Variants in PTBP3 observed in about 807,000 individuals in gnomAD.
PTBP3 encodes the protein polypyrimidine tract binding protein 3, also known as polypyrimidine tract-binding protein 3.
In PTBP3, 20 loss-of-function variants were observed where a neutral mutation model predicts 58.7. The observed-to-expected ratio is 0.34, with a 90% CI of 0.24 to 0.50. The LOEUF is 0.50. Among genes scored for constraint, PTBP3 ranks in the 20% least tolerant of loss-of-function variants. PTBP3 has a pLI of 0.98. For synonymous variants in PTBP3, 185 were observed against 219.8 expected (o/e 0.84, Z 1.40); for missense variants, 509 against 637.2 (o/e 0.80, Z 2.17).
At chr9:112,277,109 C>T (rs1408956528) in intron 2 of PTBP3, among the ~76,000 whole-genome samples, 3 of 152,120 alleles carry the variant, frequency 2.0e-5, no homozygotes, top group Admixed American at 2.0e-4. Flanking sequence ...TCGTATCCAT[C>T]CATATCTGTG....
At chr9:112,276,566 C>T (rs749353767) in intron 2 of PTBP3, among the ~76,000 whole-genome samples, 19 of 151,752 alleles carry the variant, frequency 1.3e-4, no homozygotes, top group Admixed American at 2.6e-4. Context: ...TAATCTTATT[C>T]CTTATTATAT....
intron 1 of PTBP3, among the ~76,000 whole-genome samples, chr9:112,312,446 G>A (rs1829520288): frequency 7.0e-6 from 1 of 143,780 alleles, no homozygotes; most frequent in Non-Finnish European, 1.5e-5. Context: ...GCTGTGATCT[G>A]TGTTCATACC....
At chr9:112,265,114 A>T (rs2132142513) in intron 4 of PTBP3, among the ~76,000 whole-genome samples, 1 of 152,346 alleles carries the variant, frequency 6.6e-6, no homozygotes, top group South Asian at 2.1e-4. Flanking sequence ...AGTTACCAAA[A>T]TAATTCCAAA....
chr9:112,341,870 A>G, the PTBP3 span, among the ~76,000 whole-genome samples: 1 of 152,186 alleles, frequency 6.6e-6, no homozygotes, highest in Non-Finnish European at 1.5e-5. Context: ...TTCCTTTAGA[A>G]TGACTAGGTC....
intron 1 of PTBP3, among the ~76,000 whole-genome samples, chr9:112,309,986 T>C (rs931013292): frequency 3.3e-5 from 5 of 152,162 alleles, no homozygotes; most frequent in Admixed American, 6.5e-5. Context: ...ACATTTGCTA[T>C]TGGTAACTCT....
rs1171999710 is a variant in PTBP3 at position 112,221,395 on chromosome 9, T to C, written c.*2456A>G. ...AAAGTTACATTCAACACCACTATGA[T>C]CCCCTTCCGTTATTAGCAACTTTGC... On this transcript the variant is annotated 3_prime_UTR_variant, in exon 14 of 14. Coordinates refer to ENST00000374257, the MANE Select transcript of PTBP3 (RefSeq NM_001163788.4). The C allele has an allele frequency of 3.0e-6, 3 of 985,816 alleles. No homozygotes were observed. The highest frequency in any genetic ancestry group is 1.1e-4 in the East Asian group (1 of 8,810). The allele number at this position is 985,816 out of a possible 1,614,324, so 61.1% of individuals were successfully genotyped here.
Position 112,322,134 on chromosome 9 carries a change from C to CAAAAAAA in PTBP3, c.-52+11329_-52+11335dup, listed in dbSNP as rs149553072. Among the ~76,000 whole-genome samples, 58 of 68,130 alleles carry CAAAAAAA rather than the reference C, an allele frequency of 8.5e-4. 1 individual carries two copies. The highest frequency in any genetic ancestry group is 2.1e-3 in the African/African-American group (32 of 15,546). The allele number at this position is 68,130 out of a possible 152,430, so 44.7% of individuals were successfully genotyped here. The stretch of plus-strand genomic sequence containing the variant: ...TAGGAGACAGAGCGAGACTCCATCT[C>CAAAAAAA]AAAAAAAAAAAAAAAAAAAAAAGAA... On this transcript the variant is annotated intron_variant, in intron 1 of 13. Coordinates refer to ENST00000374257, the MANE Select transcript of PTBP3 (RefSeq NM_001163788.4).
At chr9:112,232,308 GTAAA>G in intron 8 of PTBP3, 70 bp from the exon 9 acceptor site, 1 of 1,374,084 alleles carries the variant, frequency 7.3e-7, no homozygotes, top group Non-Finnish European at 9.8e-7. Context: ...TACAATTTAA[GTAAA>G]TAAAGAGGAA....
In PTBP3 at chr9:112,286,392, G is replaced by A. The variant is rs145256872; in HGVS notation, c.35-10379C>T. Among the ~76,000 whole-genome samples the A allele has an allele frequency of 6.7e-3, 1,002 of 150,308 alleles. 17 individuals carry two copies. The highest frequency in any genetic ancestry group is 0.018 in the Admixed American group (273 of 15,144). ...TTATTCCTTTTTTCCCTTGTTTCCC[G>A]GCTTCCTTTGGATTTTATTTTTTGG... On this transcript the variant is annotated intron_variant, in intron 2 of 13. Coordinates refer to ENST00000374257, the MANE Select transcript of PTBP3 (RefSeq NM_001163788.4).
At chr9:112,304,198 T>C (rs921015936) in intron 1 of PTBP3, among the ~76,000 whole-genome samples, 2 of 152,178 alleles carry the variant, frequency 1.3e-5, no homozygotes, top group African/African-American at 4.8e-5. Context: ...CCATTTTTAG[T>C]ACCAGAGTCC....
chr9:112,315,722 C>G (rs1422881240), intron 1 of PTBP3, among the ~76,000 whole-genome samples: 2 of 152,210 alleles, frequency 1.3e-5, no homozygotes, highest in Admixed American at 1.3e-4. Context: ...AATAGCTACA[C>G]TGATGAATTC....
At chr9:112,241,078 T>G (rs578213359) in intron 7 of PTBP3, among the ~76,000 whole-genome samples, 22 of 151,978 alleles carry the variant, frequency 1.4e-4, no homozygotes, top group Non-Finnish European at 2.8e-4. Context: ...TAAGCTAAGG[T>G]TATTTTATTT....
intron 3 of PTBP3, among the ~76,000 whole-genome samples, chr9:112,272,018 A>C (rs777837843): frequency 3.3e-5 from 5 of 152,142 alleles, no homozygotes; most frequent in African/African-American, 4.8e-5. Context: ...AACAGGAATA[A>C]GATACTTACA....
Position 112,234,902 on chromosome 9 carries a change from T to C in PTBP3, c.803-5A>G, listed in dbSNP as rs781721689. 2.0e-5 allele frequency: 32 copies of C among 1,608,692 alleles called. No homozygotes were observed. Among genetic ancestry groups the C allele is most frequent in the Admixed American group, 1.0e-4 (6 of 59,744 alleles). On this transcript the variant is annotated splice_region_variant and splice_polypyrimidine_tract_variant and intron_variant, in intron 7 of 13. Coordinates refer to ENST00000374257, the MANE Select transcript of PTBP3 (RefSeq NM_001163788.4). ...AAGAAATTATACCCGGTGCACCTAA[T>C]GGGAAAGAGAAGCTAAAGTAAACAC...
At position 112,222,600 on chromosome 9, in the gene PTBP3, C is replaced by T; in HGVS notation, c.*1251G>A. The T allele has an allele frequency of 1.0e-6, 1 of 985,812 alleles. No homozygotes were observed. Among genetic ancestry groups the T allele is most frequent in the Non-Finnish European group, 1.2e-6 (1 of 829,916 alleles). The allele number at this position is 985,812 out of a possible 1,614,324, so 61.1% of individuals were successfully genotyped here. A position where few individuals can be genotyped will look rare whatever the true frequency, so the allele number is the denominator to read the frequency against. ...TCCCAAAACCATTCACCCTTCCCCA[C>T]ACCGTCTCTGCACCAAGCACCAAAA... is the stretch of plus-strand genomic sequence containing the variant. On this transcript the variant is annotated 3_prime_UTR_variant, in exon 14 of 14. Coordinates refer to ENST00000374257, the MANE Select transcript of PTBP3 (RefSeq NM_001163788.4).
chr9:112,334,172 C>G (rs768231005), upstream of PTBP3, among the ~76,000 whole-genome samples: 1 of 152,020 alleles, frequency 6.6e-6, no homozygotes, highest in Non-Finnish European at 1.5e-5. Flanking sequence ...CCGCTGGGAC[C>G]GACACCAGCC....
At chr9:112,288,280 G>A (rs1828231043) in intron 2 of PTBP3, among the ~76,000 whole-genome samples, 1 of 152,168 alleles carries the variant, frequency 6.6e-6, no homozygotes, top group Admixed American at 6.5e-5. Context: ...GTCCTGGAAA[G>A]TTAAGCTTAT....
chr9:112,341,853 C>T, the PTBP3 span, among the ~76,000 whole-genome samples: 1 of 152,108 alleles, frequency 6.6e-6, no homozygotes, highest in Non-Finnish European at 1.5e-5. Flanking sequence ...GGTTTGTTTT[C>T]CCTGAATTCC....
intron 1 of PTBP3, among the ~76,000 whole-genome samples, chr9:112,314,922 C>G (rs1429244181): frequency 1.3e-5 from 2 of 151,584 alleles, no homozygotes; most frequent in Non-Finnish European, 2.9e-5. Context: ...AGCTCCGCCT[C>G]CCGGGTTTAC....
Sources: gnomAD v4.1 joint callset for allele counts (sites outside exome capture counted in the v4.1 genomes callset) on GRCh38, gnomAD v4.1.1 for gene constraint, MANE v1.5 for transcripts, NCBI Gene and HGNC (gene_info 2026-07-23, HGNC 2026-07-21) for gene names.